Variants in IL34 observed in about 807,000 individuals in gnomAD.
IL34 encodes interleukin-34.
IL34 carries 17 observed loss-of-function variants against 25.3 expected under a neutral mutation model. The ratio of observed to expected loss-of-function variants is 0.67; its 90% CI spans 0.46 to 1.01. The LOEUF is 1.01. IL34 is among the 50% of genes least tolerant of loss of function. The probability of loss-of-function intolerance (pLI) is 0.00; values close to 1 mark genes in which losing one functional copy is unlikely to be tolerated. For synonymous variants in IL34, 174 were observed against 140.9 expected, an observed-to-expected ratio of 1.23 and a Z score of -1.66; for missense variants, 368 against 312.9, an observed-to-expected ratio of 1.18 and a Z score of -1.33.
intron 1 of IL34, among the ~76,000 whole-genome samples, chr16:70,615,706 TTTGGGAGTCTGAGG>T (rs1400755269): frequency 6.6e-6 from 1 of 152,138 alleles, no homozygotes; most frequent in Non-Finnish European, 1.5e-5. Flanking sequence ...ATCTCAGCAC[TTTGGGAGTCTGAGG>T]TGGGGCAAAT....
chr16:70,617,829 T>G (rs989546959), intron 1 of IL34, among the ~76,000 whole-genome samples: 25 of 151,906 alleles, frequency 1.6e-4, no homozygotes, highest in South Asian at 8.4e-4. Context: ...TGTATAGAGG[T>G]GGGAAGGCTA....
At chr16:70,585,610 G>A (rs1377159679) in intron 1 of IL34, among the ~76,000 whole-genome samples, 3 of 151,790 alleles carry the variant, frequency 2.0e-5, no homozygotes, top group South Asian at 2.1e-4. Flanking sequence ...GCTTGAATCC[G>A]GGAGGCAGAT....
At chr16:70,621,482 A>AGG (rs2051281032) in intron 1 of IL34, among the ~76,000 whole-genome samples, 3 of 151,610 alleles carry the variant, frequency 2.0e-5, no homozygotes, top group African/African-American at 7.3e-5. Context: ...AAAATTGGTG[A>AGG]TATTCCTTGG....
At chr16:70,649,955 C>A (rs1413487878) in intron 1 of IL34, among the ~76,000 whole-genome samples, 2 of 152,094 alleles carry the variant, frequency 1.3e-5, no homozygotes, top group Non-Finnish European at 1.5e-5. Context: ...CCTGCCACTG[C>A]GCCTGGCTAA....
chr16:70,632,763 TG>T (rs1181994637), intron 1 of IL34, among the ~76,000 whole-genome samples: 3 of 152,254 alleles, frequency 2.0e-5, no homozygotes, highest in Middle Eastern at 3.4e-3. Context: ...GGGATCTGTC[TG>T]ATCAGTGGCC....
intron 1 of IL34, among the ~76,000 whole-genome samples, chr16:70,592,328 C>T (rs1430989529): frequency 2.0e-5 from 3 of 152,150 alleles, no homozygotes; most frequent in Non-Finnish European, 4.4e-5. Flanking sequence ...TTCTTCTCCC[C>T]AGTGCACCCC....
chr16:70,597,564 C>G (rs185396826), intron 1 of IL34, among the ~76,000 whole-genome samples: 1 of 152,164 alleles, frequency 6.6e-6, no homozygotes, highest in Admixed American at 6.5e-5. Context: ...TACAAATTGC[C>G]AAGTAAGGAC....
At chr16:70,586,223 G>A (rs1289122181) in intron 1 of IL34, among the ~76,000 whole-genome samples, 1 of 152,106 alleles carries the variant, frequency 6.6e-6, no homozygotes, top group Non-Finnish European at 1.5e-5. Context: ...CAGATACTTG[G>A]GTTGCTTCCA....
chr16:70,619,900 C>T (rs541263630), intron 1 of IL34, among the ~76,000 whole-genome samples: 1 of 152,258 alleles, frequency 6.6e-6, no homozygotes, highest in African/African-American at 2.4e-5. Flanking sequence ...ATTCCTTGGC[C>T]CAGTGGCCAG....
At chr16:70,594,953 CTCTTT>C (rs1048530812) in intron 1 of IL34, among the ~76,000 whole-genome samples, 3 of 137,784 alleles carry the variant, frequency 2.2e-5, no homozygotes, top group African/African-American at 1.0e-4. Flanking sequence ...CTCTCTCTCT[CTCTTT>C]TTTTTTTTTT....
intron 1 of IL34, among the ~76,000 whole-genome samples, chr16:70,628,921 G>A (rs1243376466): frequency 6.6e-6 from 1 of 151,758 alleles, no homozygotes; most frequent in Non-Finnish European, 1.5e-5. Context: ...CCGAGGAGCT[G>A]GGACAGCAAG....
intron 1 of IL34, among the ~76,000 whole-genome samples, chr16:70,588,565 A>C (rs576332806): frequency 6.6e-6 from 1 of 152,284 alleles, no homozygotes; most frequent in East Asian, 1.9e-4. Context: ...ATATACCAAA[A>C]AGAACTAAAA....
intron 1 of IL34, among the ~76,000 whole-genome samples, chr16:70,631,571 C>A (rs985510048): frequency 1.3e-5 from 2 of 152,060 alleles, no homozygotes; most frequent in South Asian, 2.1e-4. Context: ...TCCCAATGAC[C>A]TTTTAGAGTC....
chr16:70,589,707 C>T (rs1331599645), intron 1 of IL34, among the ~76,000 whole-genome samples: 1 of 150,868 alleles, frequency 6.6e-6, no homozygotes, highest in Non-Finnish European at 1.5e-5. Flanking sequence ...ACCGCAACTT[C>T]AGCCTCCTGG....
intron 1 of IL34, among the ~76,000 whole-genome samples, chr16:70,608,126 C>CTTTTT (rs869059231): frequency 1.9e-3 from 72 of 38,766 alleles, no homozygotes; most frequent in Non-Finnish European, 2.6e-3. Context: ...TTTCTTTTTT[C>CTTTTT]TTTTTTTTTT....
chr16:70,624,059 C>T (rs542331499), intron 1 of IL34, among the ~76,000 whole-genome samples: 4 of 152,174 alleles, frequency 2.6e-5, no homozygotes, highest in East Asian at 1.9e-4. Flanking sequence ...AGTCTTCAGC[C>T]GCTAAGCCGA....
intron 1 of IL34, among the ~76,000 whole-genome samples, chr16:70,593,511 T>TTTG (rs974336146): frequency 4.6e-5 from 7 of 151,766 alleles, no homozygotes; most frequent in South Asian, 2.1e-4. Flanking sequence ...TAGTACCTAG[T>TTTG]TTGTTGTTGT....
At chr16:70,597,609 C>T (rs1051558243) in intron 1 of IL34, among the ~76,000 whole-genome samples, 3 of 152,182 alleles carry the variant, frequency 2.0e-5, no homozygotes, top group Non-Finnish European at 4.4e-5. Flanking sequence ...TGTCAATGAA[C>T]ATGTTTCAAA....
chr16:70,634,229 T>C (rs973148463), intron 1 of IL34, among the ~76,000 whole-genome samples: 3 of 152,164 alleles, frequency 2.0e-5, no homozygotes, highest in Admixed American at 1.3e-4. Context: ...ATTTGACTAA[T>C]GATGTATGCA....
Sources: gnomAD v4.1 joint callset for allele counts (sites outside exome capture counted in the v4.1 genomes callset) on GRCh38, gnomAD v4.1.1 for gene constraint, MANE v1.5 for transcripts, NCBI Gene and HGNC (gene_info 2026-07-23, HGNC 2026-07-21) for gene names.